ATP6V1B1: variants seen among roughly 807,000 people sequenced by gnomAD.
ATP6V1B1 encodes the protein ATPase H+ transporting V1 subunit B1.
Under a neutral mutation model 62.1 loss-of-function variants are expected in ATP6V1B1, and 41 were observed. That is an observed-to-expected ratio of 0.66 (90% CI 0.51 to 0.86). The LOEUF is 0.86. ATP6V1B1 is among the 40% of genes least tolerant of loss of function. ATP6V1B1 has a pLI of 0.00. For missense variants in ATP6V1B1, 651 were observed against 697.5 expected (o/e 0.93, Z 0.75); for synonymous variants, 253 against 273.4 (o/e 0.93, Z 0.74).
chr2:70,965,354 C>G lies in ATP6V1B1; in HGVS notation c.*233C>G. ...GCGGAAGAACTGAAGGTTGCGATGC[C>G]TTACTCTGACGGGAGCATCTGTATT... On this transcript the variant is annotated 3_prime_UTR_variant, in exon 14 of 14. Coordinates refer to ENST00000234396, the MANE Select transcript of ATP6V1B1 (RefSeq NM_001692.4). 3 of 606,022 alleles carry G rather than the reference C, an allele frequency of 5.0e-6. No homozygotes were observed. The highest frequency in any genetic ancestry group is 4.0e-5 in the South Asian group (2 of 50,434). 37.5% of individuals were successfully genotyped at this position (606,022 alleles called of 1,614,324 possible).
At chr2:70,956,753 G>C (rs7586862) in intron 2 of ATP6V1B1, among the ~76,000 whole-genome samples, 1 of 151,754 alleles carries the variant, frequency 6.6e-6, no homozygotes. Flanking sequence ...ACCATGCCTG[G>C]CTAATTTTTG....
intron 2 of ATP6V1B1, 199 bp from the exon 3 acceptor site, chr2:70,957,847 T>TACAGC: frequency 1.6e-6 from 1 of 613,704 alleles, no homozygotes; most frequent in Non-Finnish European, 3.0e-6. Context: ...TAACCTGGTC[T>TACAGC]TGCAACTCTG....
intron 2 of ATP6V1B1, among the ~76,000 whole-genome samples, chr2:70,945,186 A>C (rs1680126715): frequency 6.6e-6 from 1 of 152,186 alleles, no homozygotes; most frequent in Non-Finnish European, 1.5e-5. Flanking sequence ...CACTGCTATA[A>C]TTTTAAAGCA....
At chr2:70,946,804 C>T (rs1158025014) in intron 2 of ATP6V1B1, among the ~76,000 whole-genome samples, 6 of 152,160 alleles carry the variant, frequency 3.9e-5, no homozygotes, top group East Asian at 3.8e-4. Context: ...GGCATGGAGT[C>T]GGAACCTATA....
rs555307787 is a variant in ATP6V1B1 at position 70,958,030 on chromosome 2, T to C, written c.175-16T>C. 5.7e-5 allele frequency: 92 copies of C among 1,611,464 alleles called. 1 individual carries two copies. In the South Asian group the frequency reaches 9.6e-4, roughly 17 times the overall value. ...TCCAGTCTCACTGTCACGTGGCTGC[T>C]CTCCCCTCCTGCCAGTTTGCCCAGT... On this transcript the variant is annotated splice_polypyrimidine_tract_variant and intron_variant, in intron 2 of 13. Transcript: ENST00000234396.
chr2:70,942,644 G>A (rs1213231491), intron 1 of ATP6V1B1, among the ~76,000 whole-genome samples: 4 of 152,226 alleles, frequency 2.6e-5, no homozygotes, highest in African/African-American at 7.2e-5. Context: ...CAGATGTGCT[G>A]TGTGGCCCTG....
intron 7 of ATP6V1B1, 153 bp downstream of exon 7, chr2:70,961,175 G>C: frequency 1.3e-6 from 1 of 798,438 alleles, no homozygotes; most frequent in Non-Finnish European, 2.1e-6. Flanking sequence ...ACGGCCATGT[G>C]TCCCTCAGGG....
At chr2:70,948,456 C>T (rs1346449224) in intron 2 of ATP6V1B1, 1 of 154,862 alleles carries the variant, frequency 6.5e-6, no homozygotes, top group Non-Finnish European at 1.5e-5. Flanking sequence ...TGTACAGCAA[C>T]TTTTCCCCTG....
At chr2:70,944,100 C>G (rs1363312673) in intron 2 of ATP6V1B1, 3 of 1,284,272 alleles carry the variant, frequency 2.3e-6, no homozygotes, top group Non-Finnish European at 3.0e-6. Flanking sequence ...TCTCCCCACC[C>G]TCGACTCTCA....
intron 4 of ATP6V1B1, 27 bp downstream of exon 4, chr2:70,958,453 G>A (rs1478491258): frequency 6.3e-7 from 1 of 1,596,008 alleles, no homozygotes; most frequent in African/African-American, 1.3e-5. Context: ...GGCAGGGGTG[G>A]GGGTGCTCCT....
intron 1 of ATP6V1B1, among the ~76,000 whole-genome samples, chr2:70,937,954 G>A (rs939792512): frequency 4.6e-5 from 7 of 152,076 alleles, no homozygotes; most frequent in South Asian, 4.2e-4. Flanking sequence ...TGCTTCCCTC[G>A]ATGCTGGCTC....
In ATP6V1B1 at chr2:70,944,675, T is replaced by C. The variant is rs555652771; in HGVS notation, c.174+962T>C. On this transcript the variant is annotated intron_variant, in intron 2 of 13. Transcript: ENST00000234396. The stretch of plus-strand genomic sequence containing the variant: ...TCAGCTTACAGGTCTTTTCTTTTTT[T>C]TTTTTTTTTTTGAGACGGAGTCTCA... Among the ~76,000 whole-genome samples the C allele has an allele frequency of 3.4e-5, 5 of 148,874 alleles. No homozygotes were observed. In the East Asian group the frequency reaches 9.9e-4, roughly 29 times the overall value.
Position 70,963,034 on chromosome 2 carries a change from G to A in ATP6V1B1, c.910-128G>A, listed in dbSNP as rs545452823. 715 of 1,598,166 alleles carry A rather than the reference G, an allele frequency of 4.5e-4. 6 individuals are homozygous for A. The highest frequency in any genetic ancestry group is 1.8e-3 in the Middle Eastern group (11 of 6,006). On this transcript the variant is annotated intron_variant, in intron 9 of 13. Transcript: ENST00000234396. This position sits in a 1 kb window ranked among gnomAD's most constrained non-coding sequence, Gnocchi z 4.3. ...CCACTCCCATGAGTTCCAGGGCTTG[G>A]TCTCAGCCTGGCCATTCCTCCCCTG...
intron 1 of ATP6V1B1, among the ~76,000 whole-genome samples, chr2:70,937,958 CTGGCTCTATA>C (rs1553415756): frequency 1.3e-5 from 2 of 152,164 alleles, no homozygotes; most frequent in African/African-American, 4.8e-5. Context: ...TCCCTCGATG[CTGGCTCTATA>C]TGGCCTCCAC....
Position 70,960,964 on chromosome 2 carries a change from C to A in ATP6V1B1, c.629C>A (p.Ser210Tyr). 1.2e-6 allele frequency: 2 copies of A among 1,608,526 alleles called. No homozygotes were observed. Among genetic ancestry groups the A allele is most frequent in the Non-Finnish European group, 1.7e-6 (2 of 1,177,474 alleles). Residue 210 changes from serine (S) to tyrosine (Y), a missense_variant, in exon 7 of 14, where the codon TCC becomes TAC. Coordinates refer to ENST00000234396, the MANE Select transcript of ATP6V1B1 (RefSeq NM_001692.4). The part of the protein sequence containing the change: ...ICRQAGLVKK[S>Y]KAVLDYHDDN... Reference sequence around the variant, plus strand: ...CGCCAGGCGGGGCTGGTGAAGAAGTCCAAGGCTGTGCTGGATTACCATGAC... The same window carrying A: ...CGCCAGGCGGGGCTGGTGAAGAAGTACAAGGCTGTGCTGGATTACCATGAC...
chr2:70,961,959 G>A (rs1553420183), intron 8 of ATP6V1B1: 2 of 535,670 alleles, frequency 3.7e-6, no homozygotes, highest in East Asian at 6.6e-5. Context: ...TTCCAACTCA[G>A]GGCTCCTCAT....
At position 70,963,419 on chromosome 2, in the gene ATP6V1B1, T is replaced by C; in HGVS notation, c.1060+107T>C. The C allele has an allele frequency of 6.4e-7, 1 of 1,567,240 alleles. No individual in the cohort carries two copies. The highest frequency in any genetic ancestry group is 8.8e-7 in the Non-Finnish European group (1 of 1,140,832). ...TTTGCACAGATGTGCAGCAGCGCTT[T>C]TCCTCCATCGAGATAGACACTGCCC... On this transcript the variant is annotated intron_variant, in intron 10 of 13. Coordinates refer to ENST00000234396, the MANE Select transcript of ATP6V1B1 (RefSeq NM_001692.4). This position sits in a 1 kb window ranked among gnomAD's most constrained non-coding sequence, Gnocchi z 4.3.
At position 70,940,907 on chromosome 2, in the gene ATP6V1B1, C is replaced by CTTTTTTTTTTTTTTTTT. The variant is rs782110711; in HGVS notation, c.119-2746_119-2745insTTTTTTTTTTTTTTTTT. 4 of 685,730 alleles carry CTTTTTTTTTTTTTTTTT rather than the reference C, an allele frequency of 5.8e-6. 1 individual carries two copies. The highest frequency in any genetic ancestry group is 3.4e-6 in the Non-Finnish European group (2 of 588,472). 42.5% of individuals were successfully genotyped at this position (685,730 alleles called of 1,614,324 possible). ...TCTTCTTTTTTTCTTTTTTCTTTTT[C>CTTTTTTTTTTTTTTTTT]TTTTTCTTTTTTTTTTTTTTTTTTG... On this transcript the variant is annotated intron_variant, in intron 1 of 13. Transcript: ENST00000234396.
rs782177880 is a variant in ATP6V1B1, at chr2:70,964,996, C to G, written c.1417C>G (p.Leu473Val). ...ENRSVFESLD[L>V]GWKLLRIFPK... is the part of the protein sequence containing the mutation. ...CCGCTCGGTGTTCGAGTCGCTGGAC[C>G]TGGGCTGGAAGCTGCTGCGCATCTT... Residue 473 changes from leucine to valine, a missense_variant, in exon 14 of 14, where the codon CTG becomes GTG. Leu to Val is a conservative substitution (Grantham distance 32). Coordinates refer to ENST00000234396, the MANE Select transcript of ATP6V1B1 (RefSeq NM_001692.4). 2 of 1,613,812 alleles carry G rather than the reference C, an allele frequency of 1.2e-6. No individual in the cohort carries two copies. Among genetic ancestry groups the G allele is most frequent in the Non-Finnish European group, 1.7e-6 (2 of 1,180,050 alleles).
Sources: allele counts gnomAD v4.1 joint callset (sites outside exome capture counted in the v4.1 genomes callset), GRCh38; gene constraint gnomAD v4.1.1; non-coding constraint Gnocchi (gnomAD v3.1); transcripts MANE v1.5; gene names NCBI Gene and HGNC (gene_info 2026-07-23, HGNC 2026-07-21).